MPPED1: variants seen among roughly 807,000 people sequenced by gnomAD.
The protein encoded by MPPED1 is metallophosphoesterase domain-containing protein 1.
A neutral mutation model predicts 36.2 loss-of-function variants in MPPED1; 16 were observed. That is an observed-to-expected ratio of 0.44 (90% CI 0.30 to 0.67). MPPED1 has a LOEUF of 0.67. Among genes scored for constraint, MPPED1 ranks in the 30% least tolerant of loss-of-function variants. The probability of loss-of-function intolerance (pLI) is 0.10; values close to 1 mark genes in which losing one functional copy is unlikely to be tolerated. For missense variants in MPPED1, 307 were observed against 453.4 expected (o/e 0.68, Z 2.93); for synonymous variants, 199 against 191.3 (o/e 1.04, Z -0.33).
intron 3 of MPPED1, among the ~76,000 whole-genome samples, chr22:43,453,567 A>T (rs994961931): frequency 6.6e-6 from 1 of 151,734 alleles, no homozygotes; most frequent in African/African-American, 2.4e-5. Context: ...GTGGGCCAGG[A>T]CTCTAGATGA....
rs935779439 is a variant in MPPED1, at chr22:43,412,208, C to A, written c.-79+50C>A. ...CGGCGGGCGCGGGCGGGAGGCCGGG[C>A]GCGGGGCGCGGCCGGGACCCTCTCC... is the stretch of plus-strand genomic sequence containing the variant. On this transcript the variant is annotated intron_variant, in intron 1 of 6. Coordinates refer to ENST00000443721, the MANE Select transcript of MPPED1 (RefSeq NM_001044370.2). 40 of 936,100 alleles carry A rather than the reference C, an allele frequency of 4.3e-5. 1 individual carries two copies. In the African/African-American group the frequency reaches 6.8e-4, roughly 16 times the overall value. The allele number at this position is 936,100 out of a possible 1,614,324, so 58.0% of individuals were successfully genotyped here.
intron 4 of MPPED1, among the ~76,000 whole-genome samples, chr22:43,488,711 C>G (rs961301120): frequency 6.6e-6 from 1 of 152,256 alleles, no homozygotes. Context: ...AAAATTTGCT[C>G]TGGTTGTCAT....
intron 5 of MPPED1, among the ~76,000 whole-genome samples, chr22:43,499,132 G>A (rs1932529854): frequency 6.6e-6 from 1 of 150,894 alleles, no homozygotes; most frequent in East Asian, 2.0e-4. Context: ...TGATGAAGGT[G>A]GTGGTGATGA....
chr22:43,464,235 T>A (rs1931081453), intron 3 of MPPED1, among the ~76,000 whole-genome samples: 2 of 151,796 alleles, frequency 1.3e-5, no homozygotes, highest in South Asian at 4.2e-4. Flanking sequence ...TCTCAGAGGC[T>A]TGATGACACT....
At chr22:43,452,174 T>G (rs758286493) in intron 3 of MPPED1, among the ~76,000 whole-genome samples, 2 of 152,150 alleles carry the variant, frequency 1.3e-5, no homozygotes, top group Middle Eastern at 3.4e-3. Flanking sequence ...TGAGCCATCA[T>G]GCTTGGCTAA....
At chr22:43,488,306 A>G (rs927728827) in intron 4 of MPPED1, among the ~76,000 whole-genome samples, 7 of 152,192 alleles carry the variant, frequency 4.6e-5, no homozygotes, top group African/African-American at 1.7e-4. Flanking sequence ...GCTGTACTCC[A>G]GGGTGCTACA....
At chr22:43,420,305 G>A (rs1200741072) in intron 1 of MPPED1, among the ~76,000 whole-genome samples, 1 of 152,158 alleles carries the variant, frequency 6.6e-6, no homozygotes, top group Non-Finnish European at 1.5e-5. Context: ...TATCCAGGCC[G>A]CCCAGGCCTC....
intron 2 of MPPED1, among the ~76,000 whole-genome samples, chr22:43,434,017 C>T (rs1415584132): frequency 6.6e-6 from 1 of 152,118 alleles, no homozygotes; most frequent in East Asian, 1.9e-4. Flanking sequence ...CACGGGGTGC[C>T]GGGAGCCAGG....
At chr22:43,436,675 T>A (rs1929972866) in intron 3 of MPPED1, among the ~76,000 whole-genome samples, 1 of 152,224 alleles carries the variant, frequency 6.6e-6, no homozygotes, top group African/African-American at 2.4e-5. Flanking sequence ...GCTTGTCCCG[T>A]CTGCTGTGGG....
rs369747043 is a variant in MPPED1 at position 43,425,247 on chromosome 22, C to T, written c.224+38C>T. 8.4e-5 allele frequency: 75 copies of T among 888,764 alleles called. No homozygotes were observed. In the African/African-American group the frequency reaches 9.8e-4, roughly 12 times the overall value. The allele number at this position is 888,764 out of a possible 1,614,324, so 55.1% of individuals were successfully genotyped here. ...GGTGGGGTGGGGGTGGGGGCGGTGA[C>T]GGCCCCCTGGGGTGGGTGCATGGTC... is the stretch of plus-strand genomic sequence containing the variant. On this transcript the variant is annotated intron_variant, in intron 2 of 6. Transcript: ENST00000443721.
At position 43,447,735 on chromosome 22, in the gene MPPED1, A is replaced by G. The variant is rs1267687563; in HGVS notation, c.406+12520A>G. ...GTCTCGGGAGGGCATGACATTCTGC[A>G]TTTCTAATGAGCTCCCAGGGTATGC... On this transcript the variant is annotated intron_variant, in intron 3 of 6. Coordinates refer to ENST00000443721, the MANE Select transcript of MPPED1 (RefSeq NM_001044370.2). 2.0e-5 allele frequency among the ~76,000 whole-genome samples: 3 copies of G among 150,168 alleles called. No individual in the cohort carries two copies. The Admixed American group carries it at 2.0e-4, about 10-fold the overall frequency.
At chr22:43,448,573 A>G (rs925693692) in intron 3 of MPPED1, among the ~76,000 whole-genome samples, 7 of 140,428 alleles carry the variant, frequency 5.0e-5, no homozygotes, top group African/African-American at 1.9e-4. Flanking sequence ...GCTCTTTTAA[A>G]ATCTTTTTAT....
At chr22:43,459,184 T>C (rs987249559) in intron 3 of MPPED1, among the ~76,000 whole-genome samples, 3 of 152,120 alleles carry the variant, frequency 2.0e-5, no homozygotes, top group African/African-American at 7.2e-5. Context: ...AAGCAATTCT[T>C]GTGTCTCAGC....
Position 43,474,647 on chromosome 22 carries a change from C to T in MPPED1, c.407-89C>T, listed in dbSNP as rs1035589122. ...TTTGACCAGGAGTTCATGCAGCTTC[C>T]TCCTGCCCGCCCCTCTCTCAGCCGT... On this transcript the variant is annotated intron_variant, in intron 3 of 6. Transcript: ENST00000443721. This position sits in a 1 kb window ranked among gnomAD's most constrained non-coding sequence, Gnocchi z 5.2. The T allele has an allele frequency of 4.5e-6, 7 of 1,550,622 alleles. No homozygotes were observed. The highest frequency in any genetic ancestry group is 6.2e-6 in the Non-Finnish European group (7 of 1,132,046).
At chr22:43,495,555 T>A (rs1200953028) in intron 4 of MPPED1, among the ~76,000 whole-genome samples, 1 of 81,858 alleles carries the variant, frequency 1.2e-5, no homozygotes, top group African/African-American at 4.7e-5. Context: ...GTGGTGGAGA[T>A]GGTGGTGGTG....
intron 3 of MPPED1, among the ~76,000 whole-genome samples, chr22:43,461,484 C>T (rs1057282508): frequency 6.6e-6 from 1 of 152,196 alleles, no homozygotes; most frequent in Non-Finnish European, 1.5e-5. Context: ...ATTTTGACAA[C>T]TTTTGCCAGT....
At chr22:43,466,610 G>C (rs960351580) in intron 3 of MPPED1, among the ~76,000 whole-genome samples, 5 of 152,050 alleles carry the variant, frequency 3.3e-5, no homozygotes, top group Non-Finnish European at 7.4e-5. Context: ...CTCTCCCTGG[G>C]TTAACCAGTT....
chr22:43,457,797 T>C (rs362211), intron 3 of MPPED1, among the ~76,000 whole-genome samples: 127,425 of 152,108 alleles, frequency 0.84, 53,488 homozygotes, highest in Admixed American at 0.85. Flanking sequence ...TGTAGAGTTC[T>C]ATGCCCTCCC....
At position 43,472,843 on chromosome 22, in the gene MPPED1, T is replaced by C. The variant is rs1016837958; in HGVS notation, c.407-1893T>C. On this transcript the variant is annotated intron_variant, in intron 3 of 6. Coordinates refer to ENST00000443721, the MANE Select transcript of MPPED1 (RefSeq NM_001044370.2). Reference sequence around the variant, plus strand: ...TAGCTGGGGGTAGAGAAGAAGCTTATAACGGGGCACTGGACCCTTCTATTT... The same window carrying C: ...TAGCTGGGGGTAGAGAAGAAGCTTACAACGGGGCACTGGACCCTTCTATTT... Among the ~76,000 whole-genome samples the C allele has an allele frequency of 7.2e-4, 109 of 152,180 alleles. 2 individuals carry two copies. Among genetic ancestry groups the C allele is most frequent in the Non-Finnish European group, 1.5e-5 (1 of 68,030 alleles).
Sources: gnomAD v4.1 joint callset for allele counts (sites outside exome capture counted in the v4.1 genomes callset) on GRCh38, gnomAD v4.1.1 for gene constraint, Gnocchi (gnomAD v3.1) non-coding constraint, MANE v1.5 for transcripts, NCBI Gene and HGNC (gene_info 2026-07-23, HGNC 2026-07-21) for gene names.